RPUSD3: variants seen among roughly 807,000 people sequenced by gnomAD.
The protein encoded by RPUSD3 is RNA pseudouridine synthase D3, also known as mitochondrial mRNA pseudouridine synthase RPUSD3.
Under a neutral mutation model 35.1 loss-of-function variants are expected in RPUSD3, and 36 were observed. That is an observed-to-expected ratio of 1.02 (90% CI 0.79 to 1.35). The LOEUF is 1.35. Among genes scored for constraint, RPUSD3 ranks in the 40% most tolerant of loss-of-function variants. The pLI, the probability that RPUSD3 is intolerant of heterozygous loss-of-function variation, is 0.00. For synonymous variants in RPUSD3, 202 were observed against 187.8 expected (o/e 1.08, Z -0.62); for missense variants, 486 against 441.9 (o/e 1.10, Z -0.89).
At chr3:9,838,236 G>A (rs2082051587) in intron 8 of RPUSD3, 29 bp from the exon 9 acceptor site, 1 of 1,607,664 alleles carries the variant, frequency 6.2e-7, no homozygotes, top group Admixed American at 1.7e-5. Context: ...GTTGTGTTCA[G>A]CCCCACATTT....
rs574284491 is a variant in RPUSD3 at position 9,839,191 on chromosome 3, GGA to G, written c.725-22_725-21del. 931 of 1,597,338 alleles carry G rather than the reference GGA, an allele frequency of 5.8e-4. 10 individuals are homozygous for G. Among genetic ancestry groups the G allele is most frequent in the South Asian group, 5.5e-3 (492 of 90,246 alleles). On this transcript the variant is annotated intron_variant, in intron 7 of 8. Transcript: ENST00000383820. ...AGAACACTGGGCAACAGGAAAGCCA[GGA>G]GAGACAGTGGGCAGCTACTCGTTCT...
At chr3:9,838,326 G>T in intron 8 of RPUSD3, 119 bp from the exon 9 acceptor site, 1 of 928,588 alleles carries the variant, frequency 1.1e-6, no homozygotes, top group Non-Finnish European at 1.6e-6. Context: ...TTCTGCAACT[G>T]TTAATCATTT....
chr3:9,843,845 C>T, intron 1 of RPUSD3, 45 bp downstream of exon 1: 2 of 1,569,424 alleles, frequency 1.3e-6, no homozygotes, highest in Non-Finnish European at 1.7e-6. Context: ...TGCCTTCCCC[C>T]TGCCCTAGCC....
At chr3:9,838,892 G>T in intron 8 of RPUSD3, 140 bp downstream of exon 8, 1 of 1,074,322 alleles carries the variant, frequency 9.3e-7, no homozygotes. Flanking sequence ...ACACCAAGAT[G>T]TGGGTACGGA....
rs1482692845 is a variant in RPUSD3 at position 9,841,034 on chromosome 3, C to T, written c.408-229G>A. 8.7e-5 allele frequency: 31 copies of T among 358,108 alleles called. No homozygotes were observed. In the East Asian group the frequency reaches 1.3e-3, roughly 15 times the overall value. The allele number at this position is 358,108 out of a possible 1,614,324, so 22.2% of individuals were successfully genotyped here. ...CCCCAGGGAACTCAGAGCCAAATGT[C>T]GTAACGATTGTCTACCATGTGCCAG... On this transcript the variant is annotated intron_variant, in intron 4 of 8. Transcript: ENST00000383820.
chr3:9,840,174 C>T lies in RPUSD3; in HGVS notation c.724+10G>A. 6 of 1,610,470 alleles carry T rather than the reference C, an allele frequency of 3.7e-6. No individual in the cohort carries two copies. The highest frequency in any genetic ancestry group is 5.1e-6 in the Non-Finnish European group (6 of 1,178,328). On this transcript the variant is annotated intron_variant, in intron 7 of 8. Transcript: ENST00000383820. ...GCAGTTTTAAAGGCTGGCTAGGGTG[C>T]CAGACCTACCTGTCAGTGGCTGCAG...
At chr3:9,843,756 T>C in intron 1 of RPUSD3, 134 bp downstream of exon 1, 1 of 1,540,894 alleles carries the variant, frequency 6.5e-7, no homozygotes. Flanking sequence ...GGTCCCATTC[T>C]ACAGCGGAGG....
chr3:9,843,439 G>C (rs2082131564), intron 2 of RPUSD3, 26 bp downstream of exon 2: 1 of 1,612,816 alleles, frequency 6.2e-7, no homozygotes. Flanking sequence ...CCCGGTCCTT[G>C]TGCGGCCGTG....
chr3:9,837,924 C>A, exon 9 of RPUSD3: 1 of 1,371,496 alleles, frequency 7.3e-7, no homozygotes, highest in East Asian at 2.5e-5. Flanking sequence ...AAGCAAGTGG[C>A]CTGTCCAGGA....
rs1480142240 is a variant in RPUSD3, at chr3:9,841,916, AAGC to A, written c.407+64_407+66del. The A allele has an allele frequency of 5.4e-6, 7 of 1,293,146 alleles. No homozygotes were observed. In the African/African-American group the frequency reaches 8.9e-5, roughly 16 times the overall value. The allele number at this position is 1,293,146 out of a possible 1,614,324, so 80.1% of individuals were successfully genotyped here. A position where few individuals can be genotyped will look rare whatever the true frequency, so the allele number is the denominator to read the frequency against. Reference sequence around the variant, plus strand: ...ATGGAAAATGTCTCAGCTTATCCCCAAGCAGCTGTTTCCCCACCACAGATGGAT... The same window carrying A: ...ATGGAAAATGTCTCAGCTTATCCCCAAGCTGTTTCCCCACCACAGATGGAT... On this transcript the variant is annotated intron_variant, in intron 4 of 8. Transcript: ENST00000383820.
chr3:9,843,639 C>T, intron 1 of RPUSD3, 38 bp from the exon 2 acceptor site: 2 of 1,608,122 alleles, frequency 1.2e-6, no homozygotes, highest in Non-Finnish European at 1.7e-6. Context: ...GTCATTCCAT[C>T]CCGAGGTGCC....
exon 8 of RPUSD3, chr3:9,839,167 G>A (rs17855130): frequency 1.9e-6 from 3 of 1,609,454 alleles, no homozygotes; most frequent in South Asian, 1.1e-5. Context: ...GTTGACTGGA[G>A]AACACTGGGC....
intron 7 of RPUSD3, chr3:9,839,577 G>A (rs1368409422): frequency 6.4e-6 from 1 of 157,448 alleles, no homozygotes; most frequent in Non-Finnish European, 1.4e-5. Context: ...CCTAAGCCAA[G>A]TGCAGTTTTT....
At chr3:9,842,287 C>G (rs1575431518) in intron 2 of RPUSD3, 44 bp from the exon 3 acceptor site, 1 of 1,594,910 alleles carries the variant, frequency 6.3e-7, no homozygotes, top group East Asian at 2.2e-5. Context: ...CAACGGTAAC[C>G]CTTTATGCAG....
exon 2 of RPUSD3, chr3:9,843,589 TTGCCTCTGA>T: frequency 6.2e-7 from 1 of 1,613,526 alleles, no homozygotes; most frequent in Non-Finnish European, 8.5e-7. Context: ...AGCCGCGGGG[TTGCCTCTGA>T]TGCCTGGACA....
chr3:9,840,238 G>C, exon 7 of RPUSD3: 2 of 1,614,128 alleles, frequency 1.2e-6, no homozygotes, highest in African/African-American at 1.3e-5. Context: ...GCTACCACAC[G>C]AAAGTGACTG....
At chr3:9,838,997 C>T (rs1172421399) in intron 8 of RPUSD3, 35 bp downstream of exon 8, 1 of 1,613,632 alleles carries the variant, frequency 6.2e-7, no homozygotes, top group South Asian at 1.1e-5. Context: ...CTCCCTCCAC[C>T]CCTCAGAAAG....
At chr3:9,841,250 C>G (rs2082099265) in intron 4 of RPUSD3, 1 of 160,476 alleles carries the variant, frequency 6.2e-6, no homozygotes, top group African/African-American at 2.4e-5. Context: ...TGACTGCACA[C>G]TGAGCATAGG....
At chr3:9,841,892 T>G in intron 4 of RPUSD3, 91 bp downstream of exon 4, 2 of 1,065,296 alleles carry the variant, frequency 1.9e-6, no homozygotes, top group South Asian at 2.9e-5. Flanking sequence ...AACCTTCCCA[T>G]GGAAAATGTC....
Sources: gnomAD v4.1 joint callset for allele counts on GRCh38, gnomAD v4.1.1 for gene constraint, MANE v1.5 for transcripts, NCBI Gene and HGNC (gene_info 2026-07-23, HGNC 2026-07-21) for gene names.